The following KANSL1L variants were observed in gnomAD, a reference collection of about 807,000 sequenced individuals.
KANSL1L encodes KAT8 regulatory NSL complex subunit 1 like, also known as KAT8 regulatory NSL complex subunit 1-like protein.
A neutral mutation model predicts 108.6 loss-of-function variants in KANSL1L; 25 were observed. That is an observed-to-expected ratio of 0.23 (90% CI 0.17 to 0.32). The LOEUF is 0.32. KANSL1L is among the 10% of genes least tolerant of loss of function. KANSL1L has a pLI of 1.00. For missense variants in KANSL1L, 1,137 were observed against 1,125.7 expected (o/e 1.01, Z -0.14); for synonymous variants, 405 against 395.1 (o/e 1.03, Z -0.30).
At chr2:210,061,421 G>A (rs989541563) in intron 6 of KANSL1L, among the ~76,000 whole-genome samples, 2 of 152,172 alleles carry the variant, frequency 1.3e-5, no homozygotes, top group African/African-American at 4.8e-5. Flanking sequence ...CACAGCAACT[G>A]GGTATAAAGA....
chr2:210,030,499 C>CTTTTTTTTTTTTTT (rs34540957), intron 9 of KANSL1L, among the ~76,000 whole-genome samples: 1 of 118,176 alleles, frequency 8.5e-6, no homozygotes, highest in Non-Finnish European at 1.7e-5. Context: ...CTTCCAAGTT[C>CTTTTTTTTTTTTTT]TTTTTTTTTT....
rs1164646744 is a variant in KANSL1L, at chr2:210,021,738, A to G, written c.*1211T>C. ...TGAGTAACCTTTTTTACATGACAAA[A>G]AGTGAGTTATATAAATTGTCCTCAA... On this transcript the variant is annotated 3_prime_UTR_variant, in exon 15 of 15. Transcript: ENST00000281772. 2 of 152,268 alleles carry G rather than the reference A, an allele frequency of 1.3e-5. No individual in the cohort carries two copies. Among genetic ancestry groups the G allele is most frequent in the African/African-American group, 4.8e-5 (2 of 41,434 alleles). The allele number at this position is 152,268 out of a possible 1,614,324, so 9.4% of individuals were successfully genotyped here.
At chr2:210,143,174 C>T (rs1226745417) in intron 2 of KANSL1L, among the ~76,000 whole-genome samples, 2 of 152,076 alleles carry the variant, frequency 1.3e-5, no homozygotes, top group African/African-American at 2.4e-5. Flanking sequence ...AAACTGGCCT[C>T]TTTATCAATT....
chr2:210,134,546 GTTA>G (rs2095156708), intron 2 of KANSL1L, among the ~76,000 whole-genome samples: 1 of 152,016 alleles, frequency 6.6e-6, no homozygotes, highest in Non-Finnish European at 1.5e-5. Flanking sequence ...GTTCTGACAG[GTTA>G]TTATATTACT....
intron 1 of KANSL1L, among the ~76,000 whole-genome samples, chr2:210,165,575 A>G (rs1687903866): frequency 6.6e-6 from 1 of 152,232 alleles, no homozygotes. Context: ...AATTTAATCC[A>G]AAGAACAATC....
intron 3 of KANSL1L, among the ~76,000 whole-genome samples, chr2:210,104,654 A>G (rs1002432196): frequency 6.6e-6 from 1 of 152,230 alleles, no homozygotes; most frequent in Non-Finnish European, 1.5e-5. Flanking sequence ...ATTTCCTGAT[A>G]GAATCTCCTG....
intron 5 of KANSL1L, among the ~76,000 whole-genome samples, chr2:210,084,695 C>A (rs554334435): frequency 6.6e-6 from 1 of 151,996 alleles, no homozygotes; most frequent in Non-Finnish European, 1.5e-5. Context: ...CTCACTGCAA[C>A]CTCCGGCTCC....
At chr2:210,075,306 G>T (rs1203696988) in intron 6 of KANSL1L, among the ~76,000 whole-genome samples, 1 of 151,832 alleles carries the variant, frequency 6.6e-6, no homozygotes, top group African/African-American at 2.4e-5. Context: ...AGGCATAATA[G>T]ATCTTTAAAA....
At chr2:210,031,691 C>G (rs1026032643) in intron 8 of KANSL1L, 145 bp from the exon 9 acceptor site, 38 of 493,960 alleles carry the variant, frequency 7.7e-5, no homozygotes, top group Admixed American at 1.1e-4. Flanking sequence ...CACACAACTC[C>G]AACTAAAAAC....
At chr2:210,158,029 A>G (rs2095343109) in intron 1 of KANSL1L, among the ~76,000 whole-genome samples, 1 of 152,236 alleles carries the variant, frequency 6.6e-6, no homozygotes, top group Non-Finnish European at 1.5e-5. Flanking sequence ...AAACATATAT[A>G]CAAAATCTCT....
At chr2:210,100,063 G>C (rs2094778455) in intron 4 of KANSL1L, among the ~76,000 whole-genome samples, 1 of 152,164 alleles carries the variant, frequency 6.6e-6, no homozygotes, top group African/African-American at 2.4e-5. Context: ...TGGCCTGTTA[G>C]AAACCAGGCT....
At chr2:210,060,741 T>C (rs1024938353) in intron 6 of KANSL1L, among the ~76,000 whole-genome samples, 4 of 152,192 alleles carry the variant, frequency 2.6e-5, no homozygotes, top group African/African-American at 4.8e-5. Flanking sequence ...CTGGGTAATT[T>C]GAAGAATACC....
intron 2 of KANSL1L, among the ~76,000 whole-genome samples, chr2:210,147,588 A>G (rs1194539173): frequency 6.6e-6 from 1 of 152,234 alleles, no homozygotes; most frequent in Non-Finnish European, 1.5e-5. Context: ...TCATTTAAGT[A>G]TAATTTGCAA....
chr2:210,135,455 G>A (rs975415598), intron 2 of KANSL1L, among the ~76,000 whole-genome samples: 4 of 152,146 alleles, frequency 2.6e-5, no homozygotes, highest in Non-Finnish European at 5.9e-5. Flanking sequence ...TCAGCTTAGA[G>A]ACCTTATTTC....
intron 3 of KANSL1L, among the ~76,000 whole-genome samples, chr2:210,110,504 C>T (rs1319935649): frequency 6.6e-6 from 1 of 152,074 alleles, no homozygotes; most frequent in Non-Finnish European, 1.5e-5. Flanking sequence ...CAATAAAAAG[C>T]ATTATCACAA....
intron 2 of KANSL1L, among the ~76,000 whole-genome samples, chr2:210,132,983 G>A (rs901140164): frequency 2.0e-5 from 3 of 152,194 alleles, no homozygotes; most frequent in Admixed American, 6.5e-5. Flanking sequence ...TCTTTTTAAC[G>A]TAAGGTTTTT....
At chr2:210,117,075 G>C (rs185890631) in intron 3 of KANSL1L, among the ~76,000 whole-genome samples, 1 of 152,254 alleles carries the variant, frequency 6.6e-6, no homozygotes, top group East Asian at 1.9e-4. Flanking sequence ...CAGAAATTCT[G>C]GAGCTGAAAA....
At chr2:210,027,137 C>T (rs1402689201) in intron 12 of KANSL1L, among the ~76,000 whole-genome samples, 159 bp downstream of exon 12, 1 of 151,936 alleles carries the variant, frequency 6.6e-6, no homozygotes, top group South Asian at 2.1e-4. Context: ...AAACATTTTT[C>T]GAATATTCTT....
chr2:210,051,515 ATTAG>A (rs2094292204), intron 6 of KANSL1L, among the ~76,000 whole-genome samples: 1 of 152,172 alleles, frequency 6.6e-6, no homozygotes, highest in Non-Finnish European at 1.5e-5. Flanking sequence ...GAAAAATAGT[ATTAG>A]TTCTAATAAT....
Sources: allele counts gnomAD v4.1 joint callset (sites outside exome capture counted in the v4.1 genomes callset), GRCh38; gene constraint gnomAD v4.1.1; transcripts MANE v1.5; gene names NCBI Gene and HGNC (gene_info 2026-07-23, HGNC 2026-07-21).